Variants in NHS observed in about 807,000 individuals in gnomAD.
The protein encoded by NHS is NHS actin remodeling regulator, also known as actin remodeling regulator NHS.
A neutral mutation model predicts 72.5 loss-of-function variants in NHS; 5 were observed. The ratio of observed to expected loss-of-function variants is 0.07; its 90% CI spans 0.04 to 0.14. NHS has a LOEUF of 0.14. Among genes scored for constraint, NHS ranks in the 10% least tolerant of loss-of-function variants. NHS has a pLI of 1.00. For missense variants in NHS, 1,072 were observed against 1,355.7 expected, an observed-to-expected ratio of 0.79 and a Z score of 3.29; for synonymous variants, 464 against 547.7, an observed-to-expected ratio of 0.85 and a Z score of 2.13.
At chrX:17,379,419 G>GA (rs200143679) in intron 1 of NHS, among the ~76,000 whole-genome samples, 20 of 107,442 alleles carry the variant, frequency 1.9e-4, no homozygotes, top group African/African-American at 4.4e-4. Flanking sequence ...ACAGGTTGTG[G>GA]AAAAAAAAAA....
intron 1 of NHS, among the ~76,000 whole-genome samples, chrX:17,464,667 G>A (rs2064863404): frequency 8.9e-6 from 1 of 112,842 alleles, no homozygotes; most frequent in Non-Finnish European, 1.9e-5. Context: ...GCAGCCAGCT[G>A]CAAGAATCAA....
chrX:17,578,584 G>A (rs2065523790), intron 1 of NHS, among the ~76,000 whole-genome samples: 1 of 111,988 alleles, frequency 8.9e-6, no homozygotes. Flanking sequence ...CCTATATATC[G>A]AAATACTCAA....
At chrX:17,580,996 T>C (rs763628496) in intron 1 of NHS, among the ~76,000 whole-genome samples, 16 of 111,732 alleles carry the variant, frequency 1.4e-4, no homozygotes, top group Non-Finnish European at 2.8e-4. Context: ...AATTCCCCTG[T>C]AATTAAAAGT....
chrX:17,563,743 A>G, intron 1 of NHS, among the ~76,000 whole-genome samples: 1 of 107,400 alleles, frequency 9.3e-6, no homozygotes, highest in Middle Eastern at 4.7e-3. Flanking sequence ...ATGGAAAGCC[A>G]GAAAGGAAGG....
At chrX:17,581,658 A>T (rs913394000) in intron 1 of NHS, among the ~76,000 whole-genome samples, 2 of 111,873 alleles carry the variant, frequency 1.8e-5, no homozygotes, top group Non-Finnish European at 3.8e-5. Context: ...TTTCTGTGGA[A>T]TCGCTTGGAG....
intron 5 of NHS, among the ~76,000 whole-genome samples, chrX:17,723,290 G>C (rs2066416365): frequency 8.9e-6 from 1 of 111,901 alleles, no homozygotes; most frequent in Admixed American, 9.4e-5. Flanking sequence ...CAGGATAAAT[G>C]ATGAGGTGAC....
chrX:17,619,922 CTCTT>C (rs764816012), intron 1 of NHS, among the ~76,000 whole-genome samples: 28 of 111,655 alleles, frequency 2.5e-4, no homozygotes, highest in South Asian at 7.5e-4. Context: ...GATCTTGACT[CTCTT>C]TCTTTGTAGA....
intron 1 of NHS, among the ~76,000 whole-genome samples, chrX:17,487,937 G>C (rs1442434300): frequency 1.8e-5 from 2 of 111,389 alleles, no homozygotes; most frequent in African/African-American, 6.5e-5. Flanking sequence ...TGGGGCACAG[G>C]GGGTGGAGGT....
At chrX:17,565,606 A>G (rs1360876263) in intron 1 of NHS, among the ~76,000 whole-genome samples, 1 of 111,898 alleles carries the variant, frequency 8.9e-6, no homozygotes, top group Non-Finnish European at 1.9e-5. Context: ...ATGCCTTCAC[A>G]CCAGCCTTGC....
intron 1 of NHS, among the ~76,000 whole-genome samples, chrX:17,378,088 G>C (rs866070756): frequency 2.8e-5 from 3 of 109,057 alleles, no homozygotes; most frequent in African/African-American, 6.7e-5. Context: ...GTGTGTGTGA[G>C]ACACACCTCT....
intron 1 of NHS, among the ~76,000 whole-genome samples, chrX:17,410,111 G>A (rs930046354): frequency 2.7e-5 from 3 of 110,676 alleles, no homozygotes; most frequent in African/African-American, 9.9e-5. Flanking sequence ...AATAACAATA[G>A]CCTCAAAGAA....
chrX:17,697,273 G>T (rs746958340), intron 3 of NHS, among the ~76,000 whole-genome samples: 1 of 110,883 alleles, frequency 9.0e-6, no homozygotes, highest in Non-Finnish European at 1.9e-5. Context: ...AGTTGTATGT[G>T]TCCTTCAACT....
intron 1 of NHS, among the ~76,000 whole-genome samples, chrX:17,492,236 T>C (rs1157904836): frequency 8.9e-6 from 1 of 112,139 alleles, no homozygotes; most frequent in Non-Finnish European, 1.9e-5. Context: ...AGGGTGTTGA[T>C]TTTAGATCTT....
intron 1 of NHS, among the ~76,000 whole-genome samples, chrX:17,445,541 T>G (rs778869121): frequency 9.3e-4 from 103 of 111,232 alleles, no homozygotes; most frequent in African/African-American, 3.1e-3. Flanking sequence ...GACCAAACAT[T>G]GATCTTGGAC....
intron 1 of NHS, among the ~76,000 whole-genome samples, chrX:17,421,726 G>A (rs1230620080): frequency 4.5e-5 from 5 of 110,189 alleles, no homozygotes; most frequent in African/African-American, 9.9e-5. Flanking sequence ...ACAGCTGTGC[G>A]CCACCACACC....
intron 1 of NHS, among the ~76,000 whole-genome samples, chrX:17,519,321 C>T (rs780548850): frequency 1.8e-5 from 2 of 112,669 alleles, no homozygotes; most frequent in South Asian, 7.4e-4. Context: ...CTGGAACCCT[C>T]ACCACTCATT....
At position 17,435,790 on chromosome X, in the gene NHS, G is replaced by A. The variant is rs190590893; in HGVS notation, c.565+59468G>A. On this transcript the variant is annotated intron_variant, in intron 1 of 8. Transcript: ENST00000676302. Reference sequence around the variant, plus strand: ...ATTTATCTGGTCAGCATGGGGTCCTGCACATAATGGAGGAGTCCACTGGCT... The same window carrying A: ...ATTTATCTGGTCAGCATGGGGTCCTACACATAATGGAGGAGTCCACTGGCT... Among the ~76,000 whole-genome samples the A allele has an allele frequency of 9.8e-5, 11 of 112,212 alleles. No individual in the cohort carries two copies. In the East Asian group the frequency reaches 3.1e-3, roughly 32 times the overall value.
At chrX:17,440,337 C>A (rs142115886) in intron 1 of NHS, among the ~76,000 whole-genome samples, 114 of 106,512 alleles carry the variant, frequency 1.1e-3, no homozygotes, top group African/African-American at 3.5e-3. Flanking sequence ...CCATATGGGT[C>A]ACAGTCAACA....
chrX:17,486,143 T>C (rs1364234694), intron 1 of NHS, among the ~76,000 whole-genome samples: 2 of 112,102 alleles, frequency 1.8e-5, no homozygotes, highest in Non-Finnish European at 1.9e-5. Context: ...TAAATGGTAG[T>C]TGAGTGAATG....
Sources: allele counts gnomAD v4.1 joint callset (sites outside exome capture counted in the v4.1 genomes callset), GRCh38; gene constraint gnomAD v4.1.1; transcripts MANE v1.5; gene names NCBI Gene and HGNC (gene_info 2026-07-23, HGNC 2026-07-21).